BNC2: variants seen among roughly 807,000 people sequenced by gnomAD.
BNC2 encodes basonuclin zinc finger protein 2.
Under a neutral mutation model 76.3 loss-of-function variants are expected in BNC2, and 20 were observed. That is an observed-to-expected ratio of 0.26 (90% CI 0.18 to 0.38). The LOEUF (loss-of-function observed/expected upper bound fraction) is 0.38. Ranked by LOEUF, BNC2 falls within the 10% of genes least tolerant of loss-of-function variation. The pLI is 1.00. For missense variants in BNC2, 1,382 were observed against 1,399.8 expected, an observed-to-expected ratio of 0.99 and a Z score of 0.20; for synonymous variants, 582 against 514.8, an observed-to-expected ratio of 1.13 and a Z score of -1.77.
intron 1 of BNC2, among the ~76,000 whole-genome samples, chr9:16,818,789 G>A (rs560671399): frequency 1.3e-5 from 2 of 152,216 alleles, no homozygotes; most frequent in South Asian, 4.2e-4. Flanking sequence ...AACCACCCAA[G>A]TAGCTGAGGT....
At chr9:16,669,917 T>C (rs1052859235) in intron 3 of BNC2, among the ~76,000 whole-genome samples, 1 of 152,216 alleles carries the variant, frequency 6.6e-6, no homozygotes, top group Non-Finnish European at 1.5e-5. Context: ...GCATGATACA[T>C]GATAATAGTT....
chr9:16,855,059 CG>C (rs924409235), intron 1 of BNC2, among the ~76,000 whole-genome samples: 56 of 151,962 alleles, frequency 3.7e-4, no homozygotes, highest in African/African-American at 1.1e-3. Flanking sequence ...AAGGAGAAGA[CG>C]TACTAATCAT....
intron 3 of BNC2, among the ~76,000 whole-genome samples, chr9:16,631,037 C>T (rs1821147198): frequency 6.6e-6 from 1 of 152,088 alleles, no homozygotes; most frequent in African/African-American, 2.4e-5. Context: ...CCATGTCCGG[C>T]CTGGAGCTTT....
At chr9:16,777,427 A>G (rs1825998576) in intron 1 of BNC2, among the ~76,000 whole-genome samples, 1 of 152,000 alleles carries the variant, frequency 6.6e-6, no homozygotes, top group South Asian at 2.1e-4. Flanking sequence ...GGGGCTGGAC[A>G]CGGTGGCTCA....
intron 5 of BNC2, among the ~76,000 whole-genome samples, chr9:16,548,227 T>G (rs943674473): frequency 1.3e-5 from 2 of 152,156 alleles, no homozygotes; most frequent in African/African-American, 4.8e-5. Flanking sequence ...TATAAAAACT[T>G]GATTTTTAAA....
At chr9:16,857,444 AC>A (rs1216443826) in intron 1 of BNC2, among the ~76,000 whole-genome samples, 3 of 145,948 alleles carry the variant, frequency 2.1e-5, no homozygotes, top group African/African-American at 7.6e-5. Flanking sequence ...GCCACTGCAC[AC>A]CAGCCTGGGC....
intron 6 of BNC2, among the ~76,000 whole-genome samples, chr9:16,421,632 G>C (rs1201100225): frequency 1.3e-5 from 2 of 152,030 alleles, no homozygotes; most frequent in African/African-American, 4.8e-5. Flanking sequence ...TTGTCCCCAC[G>C]GTCCCTGCTC....
At chr9:16,817,975 G>A (rs1818223926) in intron 1 of BNC2, among the ~76,000 whole-genome samples, 1 of 152,152 alleles carries the variant, frequency 6.6e-6, no homozygotes, top group Non-Finnish European at 1.5e-5. Context: ...TGTTTGTGTT[G>A]TTAGTCTAAT....
At chr9:16,577,181 G>A (rs1286256370) in intron 4 of BNC2, among the ~76,000 whole-genome samples, 1 of 151,858 alleles carries the variant, frequency 6.6e-6, no homozygotes, top group African/African-American at 2.4e-5. Context: ...AAATTTGCAT[G>A]GTAATATTTA....
chr9:16,522,964 C>G (rs1817667603), intron 5 of BNC2, among the ~76,000 whole-genome samples: 1 of 152,136 alleles, frequency 6.6e-6, no homozygotes, highest in South Asian at 2.1e-4. Context: ...ATAAAGAAAG[C>G]TGGATGCTCC....
At chr9:16,539,224 T>A (rs868772512) in intron 5 of BNC2, among the ~76,000 whole-genome samples, 1 of 152,010 alleles carries the variant, frequency 6.6e-6, no homozygotes, top group South Asian at 2.1e-4. Flanking sequence ...TGGGGAAAAA[T>A]AAATACGACT....
chr9:16,678,880 A>G (rs2134267156), intron 3 of BNC2, among the ~76,000 whole-genome samples: 1 of 152,270 alleles, frequency 6.6e-6, no homozygotes, highest in Non-Finnish European at 1.5e-5. Context: ...TGAAAATTAC[A>G]ATCGAAATCA....
intron 1 of BNC2, among the ~76,000 whole-genome samples, chr9:16,858,117 T>G (rs991431361): frequency 2.6e-5 from 4 of 152,248 alleles, no homozygotes; most frequent in Non-Finnish European, 4.4e-5. Flanking sequence ...TTTATCTCTG[T>G]TGGTGTTTTT....
chr9:16,851,072 C>A (rs368983861), intron 1 of BNC2, among the ~76,000 whole-genome samples: 161 of 152,202 alleles, frequency 1.1e-3, no homozygotes, highest in African/African-American at 3.8e-3. Context: ...TTTGTAACTG[C>A]TTATTTGTGG....
chr9:16,547,123 G>A (rs1278821770), intron 5 of BNC2, among the ~76,000 whole-genome samples: 1 of 152,228 alleles, frequency 6.6e-6, no homozygotes, highest in African/African-American at 2.4e-5. Context: ...ATCTATAAGA[G>A]GATGGTGTAA....
rs1006040298 is a variant in BNC2, at chr9:16,411,913, G to A, written c.*7076C>T. 1 of 152,186 alleles carries A rather than the reference G, an allele frequency of 6.6e-6. No individual in the cohort carries two copies. The highest frequency in any genetic ancestry group is 2.4e-5 in the African/African-American group (1 of 41,436). The allele number at this position is 152,186 out of a possible 1,614,324, so 9.4% of individuals were successfully genotyped here. On this transcript the variant is annotated 3_prime_UTR_variant, in exon 7 of 7. Transcript: ENST00000380672. ...TTGGAAGGAAGCATGGCATCCCCTA[G>A]TCCCAGAAAGAAGACGCTTGATAGA...
intron 5 of BNC2, among the ~76,000 whole-genome samples, chr9:16,501,130 G>A (rs1427710256): frequency 6.6e-6 from 1 of 152,192 alleles, no homozygotes; most frequent in East Asian, 1.9e-4. Flanking sequence ...CAGAGTTGGT[G>A]TGGTAACAAA....
intron 3 of BNC2, among the ~76,000 whole-genome samples, chr9:16,659,476 T>G (rs1004835552): frequency 1.3e-5 from 2 of 151,930 alleles, no homozygotes; most frequent in Non-Finnish European, 1.5e-5. Flanking sequence ...TGTGTGGTGG[T>G]GCATGCCTGT....
At chr9:16,776,485 G>C (rs1478837893) in intron 1 of BNC2, among the ~76,000 whole-genome samples, 1 of 152,240 alleles carries the variant, frequency 6.6e-6, no homozygotes, top group Admixed American at 6.5e-5. Flanking sequence ...AAAATGGCTA[G>C]TACTCCTTAA....
Sources: allele counts gnomAD v4.1 joint callset (sites outside exome capture counted in the v4.1 genomes callset), GRCh38; gene constraint gnomAD v4.1.1; transcripts MANE v1.5; gene names NCBI Gene and HGNC (gene_info 2026-07-23, HGNC 2026-07-21).